The following KCNH6 variants were observed in gnomAD, a reference collection of about 807,000 sequenced individuals.
The protein encoded by KCNH6 is potassium voltage-gated channel subfamily H member 6, also known as voltage-gated inwardly rectifying potassium channel KCNH6.
KCNH6 carries 81 observed loss-of-function variants against 83.4 expected under a neutral mutation model. That is an observed-to-expected ratio of 0.97 (90% CI 0.81 to 1.17). The LOEUF (loss-of-function observed/expected upper bound fraction) is 1.17. KCNH6 is among the 50% of genes most tolerant of loss of function. The pLI is 0.00. For synonymous variants in KCNH6, 503 were observed against 545.6 expected, an observed-to-expected ratio of 0.92 and a Z score of 1.09; for missense variants, 1,203 against 1,290.5, an observed-to-expected ratio of 0.93 and a Z score of 1.04.
Position 63,533,976 on chromosome 17 carries a change from A to G in KCNH6, c.766A>G (p.Lys256Glu). The G allele has an allele frequency of 6.2e-7, 1 of 1,614,122 alleles. No homozygotes were observed. The highest frequency in any genetic ancestry group is 1.1e-5 in the South Asian group (1 of 91,086). The change falls in exon 5 of 13, where the codon AAG (lysine) becomes GAG (glutamate). Residue 256 changes from lysine (K) to glutamate (E), a missense_variant. Physicochemically the swap from Lys to Glu is moderately conservative, Grantham distance 56 (BLOSUM62 1). Coordinates refer to ENST00000314672, the MANE Select transcript of KCNH6 (RefSeq NM_001278919.2). This position sits in a 1 kb window ranked among gnomAD's most constrained non-coding sequence, Gnocchi z 4.1. Reference sequence around the variant, plus strand: ...GACCATCCTGCACTACAGCCCCTTCAAGGCCGTGTGGGACTGGCTCATCCT... The same window carrying G: ...GACCATCCTGCACTACAGCCCCTTCGAGGCCGTGTGGGACTGGCTCATCCT... ...RWTILHYSPFKAVWDWLILLL... is the reference protein window; with the variant it reads ...RWTILHYSPFEAVWDWLILLL...
chr17:63,542,487 C>T, intron 9 of KCNH6, 53 bp downstream of exon 9: 1 of 1,538,706 alleles, frequency 6.5e-7, no homozygotes, highest in Non-Finnish European at 9.0e-7. Flanking sequence ...GGCAGCCTGC[C>T]TGGCCTGAGG....
intron 2 of KCNH6, among the ~76,000 whole-genome samples, chr17:63,527,120 C>T (rs778578441): frequency 2.1e-4 from 32 of 152,156 alleles, no homozygotes; most frequent in Middle Eastern, 3.2e-3. Context: ...CTGAGGATCC[C>T]GAACCAGAGA....
At chr17:63,528,349 T>C (rs1281481419) in intron 2 of KCNH6, among the ~76,000 whole-genome samples, 1 of 152,110 alleles carries the variant, frequency 6.6e-6, no homozygotes, top group African/African-American at 2.4e-5. Context: ...GTGTCTCCCC[T>C]GGGCCCAGGC....
intron 10 of KCNH6, 101 bp downstream of exon 10, chr17:63,543,761 TC>T: frequency 1.3e-6 from 1 of 743,488 alleles, no homozygotes; most frequent in Non-Finnish European, 2.4e-6. Flanking sequence ...GCCACCCCAC[TC>T]CATGAGTGGA....
At chr17:63,539,532 A>G (rs1195179308) in intron 8 of KCNH6, among the ~76,000 whole-genome samples, 1 of 152,218 alleles carries the variant, frequency 6.6e-6, no homozygotes. Context: ...TTCTATGAAC[A>G]GATCAAACTC....
rs775716623 is a variant in KCNH6 at position 63,545,256 on chromosome 17, C to T, written c.2575C>T (p.Pro859Ser). The change falls in exon 12 of 13, where the codon CCT becomes TCT. Residue 859 changes from proline (P) to serine (S), a missense_variant. Physicochemically the swap from Pro to Ser is moderately conservative, Grantham distance 74. Coordinates refer to ENST00000314672, the MANE Select transcript of KCNH6 (RefSeq NM_001278919.2). ...CAGGCTGCCCCAGGGCTTTCTGCCT[C>T]CTGCACAGGTAAGAGGTGAGGGGAT... ...GPRLPQGFLP[P>S]AQTPSYGDLD... 14 of 1,613,304 alleles carry T rather than the reference C, an allele frequency of 8.7e-6. No homozygotes were observed. Among genetic ancestry groups the T allele is most frequent in the Admixed American group, 5.0e-5 (3 of 60,010 alleles).
downstream of KCNH6, among the ~76,000 whole-genome samples, chr17:63,547,219 C>T (rs2033165632): frequency 6.6e-6 from 1 of 151,798 alleles, no homozygotes; most frequent in African/African-American, 2.4e-5. Context: ...AATTATACCT[C>T]AGTTAAAAAG....
intron 2 of KCNH6, among the ~76,000 whole-genome samples, chr17:63,527,718 G>C (rs1222122145): frequency 1.3e-5 from 2 of 152,162 alleles, no homozygotes; most frequent in Non-Finnish European, 2.9e-5. Flanking sequence ...AGATGGTACA[G>C]TTACCCACTT....
Position 63,534,352 on chromosome 17 carries a change from C to G in KCNH6, c.1101+41C>G. 6.4e-7 allele frequency: 1 copy of G among 1,560,812 alleles called. No individual in the cohort carries two copies. The highest frequency in any genetic ancestry group is 8.7e-7 in the Non-Finnish European group (1 of 1,148,630). On this transcript the variant is annotated intron_variant, in intron 5 of 12. Transcript: ENST00000314672. The surrounding 1 kb of genome is among the most constrained non-coding windows in gnomAD (Gnocchi z 5.0). ...CCAGGCCAGCAGCCATGGCTGTCCT[C>G]TGCACGCTGGCCTCAAGCCCTCCCT...
chr17:63,533,917 A>G lies in KCNH6; in HGVS notation c.707A>G (p.Glu236Gly), dbSNP rs2032290228. ...VLSLGADVLP[E>G]YKLQAPRIHR... The stretch of plus-strand genomic sequence containing the variant: ...TCCCTGGGCGCGGATGTGCTGCCGG[A>G]GTACAAGCTGCAGGCGCCGCGCATC... The change falls in exon 5 of 13, where the codon GAG (glutamate) becomes GGG (glycine). Residue 236 changes from glutamate to glycine, a missense_variant. Glu to Gly is a moderately conservative substitution (Grantham distance 98, BLOSUM62 -2). Transcript: ENST00000314672. This position sits in a 1 kb window ranked among gnomAD's most constrained non-coding sequence, Gnocchi z 4.1. The G allele has an allele frequency of 6.2e-7, 1 of 1,613,786 alleles. No individual in the cohort carries two copies. Among genetic ancestry groups the G allele is most frequent in the Non-Finnish European group, 8.5e-7 (1 of 1,179,852 alleles).
chr17:63,526,579 G>A (rs1334893358), intron 2 of KCNH6, among the ~76,000 whole-genome samples: 1 of 151,830 alleles, frequency 6.6e-6, no homozygotes, highest in Non-Finnish European at 1.5e-5. Flanking sequence ...GCTGGCACAT[G>A]ATCCATTTTT....
intron 11 of KCNH6, among the ~76,000 whole-genome samples, chr17:63,544,784 C>T (rs1477772730): frequency 1.3e-5 from 2 of 152,072 alleles, no homozygotes; most frequent in Non-Finnish European, 2.9e-5. Context: ...CTAAACAGCT[C>T]TGAACCTAGT....
At chr17:63,529,457 C>G (rs2031934917) in intron 2 of KCNH6, among the ~76,000 whole-genome samples, 2 of 152,218 alleles carry the variant, frequency 1.3e-5, no homozygotes, top group South Asian at 4.1e-4. Flanking sequence ...TTCCCTTTTC[C>G]AAGCTATTGT....
At chr17:63,525,022 A>G (rs1377756317) in intron 2 of KCNH6, among the ~76,000 whole-genome samples, 1 of 152,170 alleles carries the variant, frequency 6.6e-6, no homozygotes, top group Non-Finnish European at 1.5e-5. Context: ...ACCTGGCAGC[A>G]TGGGTGGGAA....
Position 63,544,306 on chromosome 17 carries a change from A to T in KCNH6, c.2291A>T (p.Gln764Leu), listed in dbSNP as rs769701243. The T allele has an allele frequency of 9.9e-6, 16 of 1,611,432 alleles. No homozygotes were observed. The East Asian group carries it at 3.6e-4, about 36-fold the overall frequency. The change falls in exon 11 of 13, where the codon CAG (glutamine) becomes CTG (leucine). Residue 764 changes from glutamine to leucine, a missense_variant. Physicochemically the swap from Gln to Leu is moderately radical, Grantham distance 113. Coordinates refer to ENST00000314672, the MANE Select transcript of KCNH6 (RefSeq NM_001278919.2). ...DASGLWPELL[Q>L]EMPPRHSPQS... is the part of the protein sequence containing the mutation. ...TCTGGCCTCTGGCCTGAGCTACTGC[A>T]GGAAATGCCCCCAAGGCACAGCCCC...
rs1293301011 is a variant in KCNH6 at position 63,535,999 on chromosome 17, G to C, written c.1432G>C (p.Gly478Arg). Reference protein sequence around the residue: ...YFTFSSLTSVGFGNVSPNTNS... With the variant: ...YFTFSSLTSVRFGNVSPNTNS... Reference sequence around the variant, plus strand: ...CACCTTCAGCAGCCTCACCAGCGTGGGCTTCGGCAATGTCTCGCCCAACAC... The same window carrying C: ...CACCTTCAGCAGCCTCACCAGCGTGCGCTTCGGCAATGTCTCGCCCAACAC... Residue 478 changes from glycine to arginine, a missense_variant, in exon 6 of 13, where the codon GGC becomes CGC. Coordinates refer to ENST00000314672, the MANE Select transcript of KCNH6 (RefSeq NM_001278919.2). The surrounding 1 kb of genome is among the most constrained non-coding windows in gnomAD (Gnocchi z 4.9). 1 of 1,613,866 alleles carries C rather than the reference G, an allele frequency of 6.2e-7. No individual in the cohort carries two copies. Among genetic ancestry groups the C allele is most frequent in the East Asian group, 2.2e-5 (1 of 44,874 alleles).
At chr17:63,532,819 G>C (rs748748248) in intron 4 of KCNH6, among the ~76,000 whole-genome samples, 4 of 152,210 alleles carry the variant, frequency 2.6e-5, no homozygotes, top group Non-Finnish European at 4.4e-5. Flanking sequence ...GTCTGGAGCA[G>C]TGTCTGATGA....
At position 63,542,198 on chromosome 17, in the gene KCNH6, T is replaced by C. The variant is rs201449005; in HGVS notation, c.1955-43T>C. On this transcript the variant is annotated intron_variant, in intron 8 of 12. Transcript: ENST00000314672. Reference sequence around the variant, plus strand: ...GTCAAAGGACCCTCATAAGGGAGCATGGAGTCAGACCCTGAAGAGACTCCC... The same window carrying C: ...GTCAAAGGACCCTCATAAGGGAGCACGGAGTCAGACCCTGAAGAGACTCCC... The C allele has an allele frequency of 3.4e-5, 54 of 1,595,242 alleles. 1 individual carries two copies. The highest frequency in any genetic ancestry group is 5.0e-5 in the Admixed American group (3 of 59,596).
At position 63,538,924 on chromosome 17, in the gene KCNH6, G is replaced by C. The variant is rs1048768436; in HGVS notation, c.1954+262G>C. 1.3e-5 allele frequency among the ~76,000 whole-genome samples: 2 copies of C among 152,188 alleles called. No homozygotes were observed. Among genetic ancestry groups the C allele is most frequent in the Non-Finnish European group, 2.9e-5 (2 of 68,032 alleles). On this transcript the variant is annotated intron_variant, in intron 8 of 12. Transcript: ENST00000314672. This position sits in a 1 kb window ranked among gnomAD's most constrained non-coding sequence, Gnocchi z 4.0. Reference sequence around the variant, plus strand: ...AGTCTGTGGCCAGGCAGGGATTCCAGGGCTGCCAGTGTGACTCAGAAGCCC... The same window carrying C: ...AGTCTGTGGCCAGGCAGGGATTCCACGGCTGCCAGTGTGACTCAGAAGCCC...
Sources: gnomAD v4.1 joint callset for allele counts (sites outside exome capture counted in the v4.1 genomes callset) on GRCh38, gnomAD v4.1.1 for gene constraint, Gnocchi (gnomAD v3.1) non-coding constraint, MANE v1.5 for transcripts, NCBI Gene and HGNC (gene_info 2026-07-23, HGNC 2026-07-21) for gene names.